Variants in CAMK1D observed in about 807,000 individuals in gnomAD.
CAMK1D encodes the protein calcium/calmodulin-dependent protein kinase type 1D.
CAMK1D carries 9 observed loss-of-function variants against 47.7 expected under a neutral mutation model. The observed-to-expected ratio is 0.19, with a 90% CI of 0.11 to 0.33. CAMK1D has a LOEUF of 0.33. CAMK1D is among the 10% of genes least tolerant of loss of function. CAMK1D has a pLI of 1.00. For missense variants in CAMK1D, 291 were observed against 488.7 expected (o/e 0.60, Z 3.81); for synonymous variants, 184 against 184.9 (o/e 0.99, Z 0.04).
chr10:12,803,330 G>C (rs76007938), intron 6 of CAMK1D, among the ~76,000 whole-genome samples: 10,873 of 152,288 alleles, frequency 0.071, 560 homozygotes, highest in South Asian at 0.11. Flanking sequence ...ACCTGGGTCT[G>C]TCTTACTCAC....
rs978268308 is a variant in CAMK1D, at chr10:12,832,527, A to G, written c.*3640A>G. 1.3e-5 allele frequency: 2 copies of G among 152,252 alleles called. No homozygotes were observed. Among genetic ancestry groups the G allele is most frequent in the African/African-American group, 4.8e-5 (2 of 41,446 alleles). 9.4% of individuals were successfully genotyped at this position (152,252 alleles called of 1,614,324 possible). A position where few individuals can be genotyped will look rare whatever the true frequency, so the allele number is the denominator to read the frequency against. ...CAGTGCACAGTGGCTGATTTTCACC[A>G]GTTCCTCCTACCCCTGCCTCTGTCG... On this transcript the variant is annotated 3_prime_UTR_variant, in exon 11 of 11. Coordinates refer to ENST00000619168, the MANE Select transcript of CAMK1D (RefSeq NM_153498.4).
At chr10:12,626,480 T>G (rs1370817099) in intron 2 of CAMK1D, among the ~76,000 whole-genome samples, 1 of 150,426 alleles carries the variant, frequency 6.6e-6, no homozygotes, top group Non-Finnish European at 1.5e-5. Flanking sequence ...TCTTTCTTTT[T>G]TTTTTTTTTT....
At chr10:12,388,924 G>A (rs1838619613) in intron 1 of CAMK1D, among the ~76,000 whole-genome samples, 1 of 152,194 alleles carries the variant, frequency 6.6e-6, no homozygotes, top group African/African-American at 2.4e-5. Context: ...CACTTGATGA[G>A]CCTGCGGTAA....
rs557162636 is a variant in CAMK1D at position 12,726,347 on chromosome 10, C to T, written c.300-34601C>T. Reference sequence around the variant, plus strand: ...GCTGAGGCAAGAGAATCACTTGAACCTGGGAGGCAGAGGTTGCAGTGAGCC... The same window carrying T: ...GCTGAGGCAAGAGAATCACTTGAACTTGGGAGGCAGAGGTTGCAGTGAGCC... On this transcript the variant is annotated intron_variant, in intron 3 of 10. Coordinates refer to ENST00000619168, the MANE Select transcript of CAMK1D (RefSeq NM_153498.4). Among the ~76,000 whole-genome samples, 9 of 152,078 alleles carry T rather than the reference C, an allele frequency of 5.9e-5. No individual in the cohort carries two copies. In the East Asian group the frequency reaches 1.8e-3, roughly 30 times the overall value.
intron 2 of CAMK1D, among the ~76,000 whole-genome samples, chr10:12,628,933 G>A (rs540902016): frequency 2.6e-5 from 4 of 152,316 alleles, no homozygotes; most frequent in Admixed American, 2.6e-4. Flanking sequence ...GCACAGTTAA[G>A]TGGCTTGATA....
chr10:12,508,221 A>C (rs78451158), intron 1 of CAMK1D, among the ~76,000 whole-genome samples: 29,131 of 152,224 alleles, frequency 0.19, 3,402 homozygotes, highest in South Asian at 0.27. Flanking sequence ...ATGCATCGCT[A>C]TTCATGAAGG....
chr10:12,445,961 A>C (rs1832913435), intron 1 of CAMK1D, among the ~76,000 whole-genome samples: 1 of 152,150 alleles, frequency 6.6e-6, no homozygotes, highest in Non-Finnish European at 1.5e-5. Context: ...AAAGAATGAA[A>C]AGTTCCCAGC....
chr10:12,408,059 T>C (rs1474796508), intron 1 of CAMK1D, among the ~76,000 whole-genome samples: 3 of 152,160 alleles, frequency 2.0e-5, no homozygotes, highest in Admixed American at 1.3e-4. Flanking sequence ...TGTTTTACCA[T>C]GTTGGCCAGG....
At chr10:12,536,216 T>C (rs1564397651) in intron 1 of CAMK1D, among the ~76,000 whole-genome samples, 2 of 151,714 alleles carry the variant, frequency 1.3e-5, no homozygotes, top group African/African-American at 2.4e-5. Context: ...CATTTTGCCA[T>C]CTTTGCTTCA....
At chr10:12,724,207 C>A (rs1834518590) in intron 3 of CAMK1D, among the ~76,000 whole-genome samples, 2 of 152,218 alleles carry the variant, frequency 1.3e-5, no homozygotes, top group South Asian at 4.1e-4. Flanking sequence ...CCAGGTTGAT[C>A]TCAAACTTTG....
intron 3 of CAMK1D, among the ~76,000 whole-genome samples, chr10:12,753,037 A>C (rs1256853650): frequency 6.6e-6 from 1 of 152,088 alleles, no homozygotes; most frequent in Admixed American, 6.5e-5. Flanking sequence ...CAAGGTCAGG[A>C]GATTGAGAGA....
At chr10:12,750,849 G>C (rs1835910807) in intron 3 of CAMK1D, among the ~76,000 whole-genome samples, 1 of 152,130 alleles carries the variant, frequency 6.6e-6, no homozygotes, top group Non-Finnish European at 1.5e-5. Context: ...TCGGAAATTT[G>C]AGACCAGCCT....
intron 1 of CAMK1D, among the ~76,000 whole-genome samples, chr10:12,469,553 A>G (rs950728871): frequency 6.6e-6 from 1 of 152,184 alleles, no homozygotes; most frequent in African/African-American, 2.4e-5. Flanking sequence ...TTCCCCAGGA[A>G]TGACTAATTC....
At chr10:12,401,895 C>CTATATG (rs1839238532) in intron 1 of CAMK1D, among the ~76,000 whole-genome samples, 1 of 146,048 alleles carries the variant, frequency 6.8e-6, no homozygotes, top group Admixed American at 6.9e-5. Flanking sequence ...TATTCTCAGA[C>CTATATG]TATATATATA....
At chr10:12,759,207 G>T (rs1300705785) in intron 3 of CAMK1D, among the ~76,000 whole-genome samples, 1 of 152,146 alleles carries the variant, frequency 6.6e-6, no homozygotes, top group Non-Finnish European at 1.5e-5. Flanking sequence ...AAATTAGCCG[G>T]GTGTGGTGGC....
chr10:12,583,437 AT>A (rs2132343175), intron 2 of CAMK1D, among the ~76,000 whole-genome samples: 1 of 152,120 alleles, frequency 6.6e-6, no homozygotes, highest in South Asian at 2.1e-4. Context: ...TTTTTTCTTA[AT>A]AGGAAAATCC....
intron 8 of CAMK1D, among the ~76,000 whole-genome samples, chr10:12,820,102 C>T (rs895183166): frequency 2.6e-5 from 4 of 152,172 alleles, no homozygotes; most frequent in East Asian, 3.9e-4. Flanking sequence ...TGCGGTGGCG[C>T]GATCTCGGCT....
rs188016783 is a variant in CAMK1D, at chr10:12,365,500, G to A, written c.92+15590G>A. On this transcript the variant is annotated intron_variant, in intron 1 of 10. Transcript: ENST00000619168. ...GTCGCCCAGGCTGGAGTGCAGTGGC[G>A]CAATCTCGGCTCACTGCAAGCTCCG... is the stretch of plus-strand genomic sequence containing the variant. Among the ~76,000 whole-genome samples the A allele has an allele frequency of 9.9e-4, 151 of 151,994 alleles. 1 individual carries two copies. Among genetic ancestry groups the A allele is most frequent in the Non-Finnish European group, 4.1e-4 (28 of 67,960 alleles).
intron 6 of CAMK1D, among the ~76,000 whole-genome samples, chr10:12,812,968 G>C (rs1170305257): frequency 6.6e-6 from 1 of 152,150 alleles, no homozygotes; most frequent in Non-Finnish European, 1.5e-5. Context: ...ATGCATCACT[G>C]GTAAAAGTAG....
Sources: allele counts gnomAD v4.1 joint callset (sites outside exome capture counted in the v4.1 genomes callset), GRCh38; gene constraint gnomAD v4.1.1; transcripts MANE v1.5; gene names NCBI Gene and HGNC (gene_info 2026-07-23, HGNC 2026-07-21).